Variants in LYPLAL1 observed in about 807,000 individuals in gnomAD.
The protein encoded by LYPLAL1 is lysophospholipase like 1.
A neutral mutation model predicts 19.7 loss-of-function variants in LYPLAL1; 23 were observed. That is an observed-to-expected ratio of 1.17 (90% confidence interval 0.84 to 1.65). The LOEUF is 1.65. Among genes scored for constraint, LYPLAL1 ranks in the 40% most tolerant of loss-of-function variants. The probability of loss-of-function intolerance (pLI) is 0.00; values close to 1 mark genes in which losing one functional copy is unlikely to be tolerated. For synonymous variants in LYPLAL1, 119 were observed against 96.3 expected (o/e 1.24, Z -1.38); for missense variants, 355 against 279.4 (o/e 1.27, Z -1.93).
the LYPLAL1 span, among the ~76,000 whole-genome samples, chr1:219,365,071 T>G: frequency 6.6e-6 from 1 of 152,136 alleles, no homozygotes; most frequent in African/African-American, 2.4e-5. Context: ...TTTGAAAGCA[T>G]AGCAGCACAA....
At chr1:219,392,962 C>T in the LYPLAL1 span, among the ~76,000 whole-genome samples, 1 of 152,058 alleles carries the variant, frequency 6.6e-6, no homozygotes, top group Admixed American at 6.5e-5. Context: ...ATAAGAATGT[C>T]CTCAGAATTT....
the LYPLAL1 span, among the ~76,000 whole-genome samples, chr1:219,415,904 G>C: frequency 6.6e-6 from 1 of 152,166 alleles, no homozygotes; most frequent in Non-Finnish European, 1.5e-5. Flanking sequence ...TCTTCTCCCA[G>C]TGTGCCTGTC....
At chr1:219,429,671 AT>A in the LYPLAL1 span, among the ~76,000 whole-genome samples, 28 of 152,192 alleles carry the variant, frequency 1.8e-4, no homozygotes, top group Non-Finnish European at 3.2e-4. Context: ...AAATAAAAAA[AT>A]AAATAAATAA....
At chr1:219,188,665 T>G (rs975475017) in intron 2 of LYPLAL1, among the ~76,000 whole-genome samples, 1 of 138,910 alleles carries the variant, frequency 7.2e-6, no homozygotes, top group Non-Finnish European at 1.5e-5. Context: ...CAACTTGGTA[T>G]CAAGCTGAAT....
the LYPLAL1 span, among the ~76,000 whole-genome samples, chr1:219,254,116 T>C: frequency 3.3e-4 from 50 of 152,026 alleles, no homozygotes; most frequent in Non-Finnish European, 7.4e-5. Context: ...CTTTTTTCTG[T>C]TTTACATTTG....
the LYPLAL1 span, among the ~76,000 whole-genome samples, chr1:219,344,665 G>C: frequency 3.9e-5 from 6 of 152,052 alleles, no homozygotes; most frequent in African/African-American, 1.4e-4. Context: ...CCTAGTTCAT[G>C]TTTCTCCCCT....
chr1:219,412,274 G>A, the LYPLAL1 span, among the ~76,000 whole-genome samples: 1 of 152,088 alleles, frequency 6.6e-6, no homozygotes, highest in Admixed American at 6.5e-5. Context: ...TGATCCTCCT[G>A]CCTTGGCCTC....
At chr1:219,320,379 A>G in the LYPLAL1 span, among the ~76,000 whole-genome samples, 1 of 152,006 alleles carries the variant, frequency 6.6e-6, no homozygotes, top group Non-Finnish European at 1.5e-5. Context: ...CAGCAATCCA[A>G]CTTCTTCTTG....
chr1:219,346,244 CTATG>C, the LYPLAL1 span, among the ~76,000 whole-genome samples: 1 of 151,894 alleles, frequency 6.6e-6, no homozygotes, highest in East Asian at 1.9e-4. Context: ...AGGAGTGTGA[CTATG>C]TGTGGGAAAA....
chr1:219,421,296 T>C, the LYPLAL1 span, among the ~76,000 whole-genome samples: 1 of 152,180 alleles, frequency 6.6e-6, no homozygotes, highest in African/African-American at 2.4e-5. Flanking sequence ...TCCAATCCAG[T>C]GGCCCATCAT....
chr1:219,295,449 A>C, the LYPLAL1 span, among the ~76,000 whole-genome samples: 1 of 152,172 alleles, frequency 6.6e-6, no homozygotes, highest in Non-Finnish European at 1.5e-5. Flanking sequence ...AGAGAGATAT[A>C]AGACAAATTT....
chr1:219,426,298 T>C, the LYPLAL1 span, among the ~76,000 whole-genome samples: 1 of 152,202 alleles, frequency 6.6e-6, no homozygotes, highest in Non-Finnish European at 1.5e-5. Context: ...ATGTCATTAG[T>C]GGTTTTTTTA....
At chr1:219,174,312 T>G in intron 1 of LYPLAL1, 1 of 1,178,100 alleles carries the variant, frequency 8.5e-7, no homozygotes, top group Non-Finnish European at 1.1e-6. Context: ...AAGGTAAGTC[T>G]TCTGCTAGAG....
intron 1 of LYPLAL1, among the ~76,000 whole-genome samples, chr1:219,178,859 T>C (rs1183661682): frequency 6.6e-6 from 1 of 151,432 alleles, no homozygotes; most frequent in Non-Finnish European, 1.5e-5. Flanking sequence ...TATTTATTCC[T>C]GTACTACCCA....
the LYPLAL1 span, among the ~76,000 whole-genome samples, chr1:219,224,356 G>T: frequency 1.3e-5 from 2 of 152,186 alleles, no homozygotes; most frequent in East Asian, 3.9e-4. Context: ...TCAAATAGTA[G>T]CTAAAATGCA....
the LYPLAL1 span, among the ~76,000 whole-genome samples, chr1:219,369,047 T>C: frequency 1.3e-5 from 2 of 152,240 alleles, no homozygotes; most frequent in Non-Finnish European, 2.9e-5. Context: ...ATCTTCTTAA[T>C]AATGAAACCA....
chr1:219,411,560 C>A, the LYPLAL1 span, among the ~76,000 whole-genome samples: 1 of 152,100 alleles, frequency 6.6e-6, no homozygotes, highest in East Asian at 1.9e-4. Context: ...GTGGGTGGGG[C>A]CAGATAAGAG....
rs1252969306 is a variant in LYPLAL1 at position 219,179,168 on chromosome 1, G to C, written c.113G>C (p.Arg38Thr). 1.2e-6 allele frequency: 2 copies of C among 1,611,680 alleles called. No individual in the cohort carries two copies. Among genetic ancestry groups the C allele is most frequent in the South Asian group, 2.2e-5 (2 of 90,736 alleles). The change falls in exon 2 of 5, where the codon AGA (arginine) becomes ACA (threonine). Residue 38 changes from arginine to threonine, a missense_variant. Transcript: ENST00000366928. Reference sequence around the variant, plus strand: ...TCAGGTGATTCTGGACAAGGATTAAGAATGTGGATCAAGCAGGTTTTAAAT... The same window carrying C: ...TCAGGTGATTCTGGACAAGGATTAACAATGTGGATCAAGCAGGTTTTAAAT... ...HGSGDSGQGL[R>T]MWIKQVLNQD...
chr1:219,306,329 G>A, the LYPLAL1 span, among the ~76,000 whole-genome samples: 1 of 152,156 alleles, frequency 6.6e-6, no homozygotes, highest in African/African-American at 2.4e-5. Context: ...ATATGACTGA[G>A]CCACAGGGAG....
Sources: gnomAD v4.1 joint callset for allele counts (sites outside exome capture counted in the v4.1 genomes callset) on GRCh38, gnomAD v4.1.1 for gene constraint, MANE v1.5 for transcripts, NCBI Gene and HGNC (gene_info 2026-07-23, HGNC 2026-07-21) for gene names.